Variants in PCDHGB4 observed in about 807,000 individuals in gnomAD.
The protein encoded by PCDHGB4 is protocadherin gamma-B4.
Under a neutral mutation model 60.5 loss-of-function variants are expected in PCDHGB4, and 38 were observed. That is an observed-to-expected ratio of 0.63 (90% confidence interval 0.48 to 0.82). The LOEUF (loss-of-function observed/expected upper bound fraction) is 0.82, where lower values mean the gene tolerates loss of function less well. Among genes scored for constraint, PCDHGB4 ranks in the 40% least tolerant of loss-of-function variants. The pLI, the probability that PCDHGB4 is intolerant of heterozygous loss-of-function variation, is 0.00. For synonymous variants in PCDHGB4, 456 were observed against 509.7 expected (o/e 0.89, Z 1.42); for missense variants, 1,109 against 1,209.6 (o/e 0.92, Z 1.23).
intron 1 of PCDHGB4, among the ~76,000 whole-genome samples, chr5:141,462,839 T>C (rs1020663897): frequency 8.5e-5 from 13 of 152,228 alleles, no homozygotes; most frequent in Non-Finnish European, 1.5e-4. Context: ...GTAAATGTTA[T>C]ATTTTTGAGT....
chr5:141,441,762 C>A (rs3805697), intron 1 of PCDHGB4: 10 of 374,012 alleles, frequency 2.7e-5, no homozygotes, highest in Non-Finnish European at 2.2e-5. Flanking sequence ...CGTGAGCCTG[C>A]GCGTGTTGGT....
chr5:141,390,025 G>T lies in PCDHGB4; in HGVS notation c.2141G>T (p.Arg714Leu), dbSNP rs762363185. Residue 714 changes from arginine (R) to leucine (L), a missense_variant, in exon 1 of 4, where the codon CGA becomes CTA. This residue lies in a region of PCDHGB4 where 1,068 missense variants were observed against 1,089.9 expected (regional missense o/e 0.98). Coordinates refer to ENST00000519479, the MANE Select transcript of PCDHGB4 (RefSeq NM_003736.4). Reference protein sequence around the residue: ...AMILAIALRLRRSSSPASWSC... With the variant: ...AMILAIALRLLRSSSPASWSC... ...ATTCTGGCCATTGCCTTGCGCCTGC[G>T]ACGCTCCTCCAGCCCCGCCTCCTGG... The T allele has an allele frequency of 3.0e-5, 48 of 1,613,882 alleles. No individual in the cohort carries two copies. The East Asian group carries it at 1.1e-3, about 36-fold the overall frequency.
chr5:141,491,666 G>A lies in PCDHGB4; in HGVS notation c.2398-3141G>A, dbSNP rs373526771. 9.4e-5 allele frequency: 152 copies of A among 1,613,614 alleles called. No homozygotes were observed. The highest frequency in any genetic ancestry group is 1.2e-4 in the Non-Finnish European group (142 of 1,180,016). The stretch of plus-strand genomic sequence containing the variant: ...CTGGCGCTGGAGCCTGACGCCATCC[G>A]GTCCCGCTCTAATACGCTGCGGGAG... On this transcript the variant is annotated intron_variant, in intron 1 of 3. Coordinates refer to ENST00000519479, the MANE Select transcript of PCDHGB4 (RefSeq NM_003736.4). This position sits in a 1 kb window ranked among gnomAD's most constrained non-coding sequence, Gnocchi z 6.9.
chr5:141,417,884 C>A, intron 1 of PCDHGB4: 2 of 1,561,600 alleles, frequency 1.3e-6, no homozygotes, highest in East Asian at 2.4e-5. Flanking sequence ...CGCGCAGAGG[C>A]GCCGGGCCGG....
intron 1 of PCDHGB4, chr5:141,428,734 A>G (rs922346225): frequency 1.9e-5 from 3 of 158,252 alleles, no homozygotes; most frequent in Non-Finnish European, 2.8e-5. Context: ...TAAACATATT[A>G]TATCTACTAT....
intron 1 of PCDHGB4, among the ~76,000 whole-genome samples, chr5:141,459,563 C>CAAAACAGAATT (rs1554142058): frequency 5.3e-5 from 8 of 152,044 alleles, no homozygotes; most frequent in Non-Finnish European, 2.9e-5. Context: ...ATAAATACCC[C>CAAAACAGAATT]AAAACAGAAT....
intron 1 of PCDHGB4, chr5:141,399,375 C>T (rs548275013): frequency 1.9e-6 from 3 of 1,614,016 alleles, no homozygotes; most frequent in South Asian, 2.2e-5. Flanking sequence ...AGTACAATGT[C>T]ACCATCACAG....
Position 141,389,539 on chromosome 5 carries a change from AC to A in PCDHGB4, c.1657del (p.Arg553AlafsTer34), listed in dbSNP as rs750868475. 1 of 1,613,100 alleles carries A rather than the reference AC, an allele frequency of 6.2e-7. No homozygotes were observed. Among genetic ancestry groups the A allele is most frequent in the African/African-American group, 1.3e-5 (1 of 74,930 alleles). On this transcript the variant is annotated frameshift_variant, in exon 1 of 4. Coordinates refer to ENST00000519479, the MANE Select transcript of PCDHGB4 (RefSeq NM_003736.4). LOFTEE classifies it high-confidence loss of function. ...ANVSLRVLVD[D>X]RNDNAPRVLY... The stretch of plus-strand genomic sequence containing the variant: ...GTGAGCCTGCGCGTGTTAGTGGACG[AC>A]CGCAACGACAATGCGCCACGGGTGC...
chr5:141,446,988 C>T (rs548721486), intron 1 of PCDHGB4, among the ~76,000 whole-genome samples: 1 of 152,154 alleles, frequency 6.6e-6, no homozygotes, highest in Non-Finnish European at 1.5e-5. Flanking sequence ...TCATACTCCA[C>T]TCTTCAGACT....
chr5:141,480,710 T>C (rs1174000425), intron 1 of PCDHGB4, among the ~76,000 whole-genome samples: 1 of 152,042 alleles, frequency 6.6e-6, no homozygotes, highest in East Asian at 1.9e-4. Context: ...CCCCGACAAA[T>C]GAAAGCACAG....
chr5:141,463,510 G>A (rs1031854898), intron 1 of PCDHGB4, among the ~76,000 whole-genome samples: 4 of 143,710 alleles, frequency 2.8e-5, no homozygotes, highest in Non-Finnish European at 4.5e-5. Context: ...GTGACGTGGC[G>A]TGATCTCGGC....
intron 1 of PCDHGB4, chr5:141,413,776 G>A: frequency 6.2e-7 from 1 of 1,613,188 alleles, no homozygotes; most frequent in Non-Finnish European, 8.5e-7. Context: ...GCTGGTACTG[G>A]AGCACTCCCT....
At position 141,511,106 on chromosome 5, in the gene PCDHGB4, G is replaced by T. The variant is rs536900646; in HGVS notation, c.2705G>T (p.Arg902Leu). ...NATLTNAAGK[R>L]DGKAPAGGNG... is the part of the protein sequence containing the mutation. Reference sequence around the variant, plus strand: ...ACACTGACCAACGCAGCTGGCAAGCGGGATGGCAAGGCCCCAGCAGGTGGC... The same window carrying T: ...ACACTGACCAACGCAGCTGGCAAGCTGGATGGCAAGGCCCCAGCAGGTGGC... Residue 902 changes from arginine to leucine, a missense_variant, in exon 4 of 4, where the codon CGG becomes CTG. This residue lies in a region of PCDHGB4 where 1,068 missense variants were observed against 1,089.9 expected (regional missense o/e 0.98). Transcript: ENST00000519479. 8.7e-6 allele frequency: 14 copies of T among 1,614,196 alleles called. No individual in the cohort carries two copies. Among genetic ancestry groups the T allele is most frequent in the Non-Finnish European group, 1.2e-5 (14 of 1,180,016 alleles).
chr5:141,424,140 C>A, intron 1 of PCDHGB4: 1 of 356,082 alleles, frequency 2.8e-6, no homozygotes, highest in Non-Finnish European at 4.1e-6. Flanking sequence ...TAATAGCATG[C>A]TCCCTCTAGC....
chr5:141,471,112 G>A (rs1442344944), intron 1 of PCDHGB4, among the ~76,000 whole-genome samples: 3 of 147,914 alleles, frequency 2.0e-5, no homozygotes, highest in Non-Finnish European at 4.4e-5. Flanking sequence ...GCAGTGGTGC[G>A]ATCTTACCTT....
intron 1 of PCDHGB4, chr5:141,421,223 C>T: frequency 6.3e-7 from 1 of 1,580,314 alleles, no homozygotes. Context: ...GGCTTAGAGC[C>T]TGCCATGGCG....
At chr5:141,405,203 C>A in intron 1 of PCDHGB4, 2 of 1,613,520 alleles carry the variant, frequency 1.2e-6, no homozygotes, top group Non-Finnish European at 1.7e-6. Flanking sequence ...AGCTTTCCTA[C>A]AGACCTATTC....
chr5:141,389,281 G>T lies in PCDHGB4; in HGVS notation c.1397G>T (p.Gly466Val). 2 of 1,614,012 alleles carry T rather than the reference G, an allele frequency of 1.2e-6. No homozygotes were observed. The highest frequency in any genetic ancestry group is 1.7e-6 in the Non-Finnish European group (2 of 1,179,906). Residue 466 changes from glycine to valine, a missense_variant, in exon 1 of 4, where the codon GGA becomes GTA. By Grantham distance (109) the Gly-to-Val change is moderately radical (BLOSUM62 -3). This residue lies in a region of PCDHGB4 where 1,068 missense variants were observed against 1,089.9 expected (regional missense o/e 0.98). Coordinates refer to ENST00000519479, the MANE Select transcript of PCDHGB4 (RefSeq NM_003736.4). ...CACGTGGCCGAGAACAACCCGCCTG[G>T]AGCCTCTATTTCACAAGTCAGGGCT... ...IVHVAENNPP[G>V]ASISQVRASD...
At chr5:141,443,760 T>C (rs894568340) in intron 1 of PCDHGB4, among the ~76,000 whole-genome samples, 20 of 152,040 alleles carry the variant, frequency 1.3e-4, no homozygotes, top group African/African-American at 4.6e-4. Context: ...AAGCTTACAA[T>C]ATACAATATT....
Sources: gnomAD v4.1 joint callset for allele counts (sites outside exome capture counted in the v4.1 genomes callset) on GRCh38, gnomAD v4.1.1 for gene constraint, gnomAD v4.1.1 regional missense constraint, Gnocchi (gnomAD v3.1) non-coding constraint, MANE v1.5 for transcripts, NCBI Gene and HGNC (gene_info 2026-07-23, HGNC 2026-07-21) for gene names.